SYNE1: variants seen among roughly 807,000 people sequenced by gnomAD.
SYNE1 encodes the protein nesprin-1.
Under a neutral mutation model 1,111.0 loss-of-function variants are expected in SYNE1, and 616 were observed. The ratio of observed to expected loss-of-function variants is 0.55; its 90% CI spans 0.52 to 0.59. The LOEUF is 0.59. Among genes scored for constraint, SYNE1 ranks in the 20% least tolerant of loss-of-function variants. SYNE1 has a pLI of 0.00. For synonymous variants in SYNE1, 3,855 were observed against 3,825.8 expected (o/e 1.01, Z -0.28); for missense variants, 10,006 against 10,417.0 (o/e 0.96, Z 1.72).
chr6:152,202,844 G>C (rs1456867928), intron 126 of SYNE1, among the ~76,000 whole-genome samples: 1 of 152,126 alleles, frequency 6.6e-6, no homozygotes, highest in Non-Finnish European at 1.5e-5. Flanking sequence ...TGGCATTTTT[G>C]ACTGGCTTTA....
At chr6:152,140,255 A>G in intron 139 of SYNE1, 94 bp from the exon 140 acceptor site, 1 of 1,248,440 alleles carries the variant, frequency 8.0e-7, no homozygotes, top group Non-Finnish European at 1.2e-6. Context: ...AATTTTAAAT[A>G]GCAACAGAAA....
At chr6:152,575,145 T>C (rs2099491353) in intron 3 of SYNE1, among the ~76,000 whole-genome samples, 1 of 152,166 alleles carries the variant, frequency 6.6e-6, no homozygotes, top group Non-Finnish European at 1.5e-5. Context: ...TCCGGTGGTA[T>C]AGGATGGTGG....
intron 85 of SYNE1, among the ~76,000 whole-genome samples, chr6:152,318,536 A>G (rs1467804200): frequency 6.6e-6 from 1 of 152,220 alleles, no homozygotes; most frequent in Non-Finnish European, 1.5e-5. Flanking sequence ...GAACTCATCA[A>G]CAGAGGAAGA....
intron 3 of SYNE1, among the ~76,000 whole-genome samples, chr6:152,623,757 A>G (rs987518008): frequency 6.6e-6 from 1 of 152,148 alleles, no homozygotes; most frequent in Non-Finnish European, 1.5e-5. Flanking sequence ...GCCAACAATA[A>G]TTAGTATAAA....
At chr6:152,341,466 C>G (rs1320654676) in intron 74 of SYNE1, among the ~76,000 whole-genome samples, 1 of 152,184 alleles carries the variant, frequency 6.6e-6, no homozygotes, top group African/African-American at 2.4e-5. Flanking sequence ...GTACTTTTTC[C>G]CATTCCCTAA....
intron 6 of SYNE1, among the ~76,000 whole-genome samples, chr6:152,517,460 A>T (rs980467709): frequency 1.3e-5 from 2 of 152,218 alleles, no homozygotes; most frequent in African/African-American, 4.8e-5. Context: ...TTACCTTTTG[A>T]CTTAGCAAGC....
intron 48 of SYNE1, among the ~76,000 whole-genome samples, chr6:152,399,318 G>A (rs1290482360): frequency 1.3e-5 from 2 of 152,180 alleles, no homozygotes; most frequent in Non-Finnish European, 2.9e-5. Context: ...CACTTGAGCA[G>A]TGGAAGTAAT....
rs1397290919 is a variant in SYNE1 at position 152,401,153 on chromosome 6, T to C, written c.7014A>G (p.Ala2338=). The C allele has an allele frequency of 6.2e-7, 1 of 1,614,114 alleles. No individual in the cohort carries two copies. Among genetic ancestry groups the C allele is most frequent in the Non-Finnish European group, 8.5e-7 (1 of 1,180,014 alleles). The change falls in exon 47 of 146, where the codon GCA becomes GCG. Residue 2338 remains alanine (A), a synonymous_variant. Transcript: ENST00000367255. The stretch of plus-strand genomic sequence containing the variant: ...TATTACCTACCTTGACTTTTTTCAA[T>C]GCTTCACAAGTCTCATTTTGGGCAC... ...MNCAQNETCE[A]LKKVKDIQKE...
chr6:152,469,594 A>G (rs537070731), intron 16 of SYNE1, among the ~76,000 whole-genome samples: 1 of 152,162 alleles, frequency 6.6e-6, no homozygotes, highest in Admixed American at 6.5e-5. Flanking sequence ...AATTGAACTG[A>G]TATTTATGTG....
intron 74 of SYNE1, among the ~76,000 whole-genome samples, chr6:152,340,967 T>C (rs551617581): frequency 1.3e-5 from 2 of 152,290 alleles, no homozygotes; most frequent in South Asian, 4.1e-4. Context: ...GAAGGCAGTA[T>C]TGACTACAAG....
At chr6:152,190,160 T>C (rs560093047) in intron 127 of SYNE1, among the ~76,000 whole-genome samples, 2 of 152,322 alleles carry the variant, frequency 1.3e-5, no homozygotes, top group South Asian at 4.1e-4. Flanking sequence ...TGCCCAATCT[T>C]GTCTGGTCTC....
chr6:152,481,296 T>C (rs956616458), intron 14 of SYNE1: 20 of 256,654 alleles, frequency 7.8e-5, no homozygotes, highest in Middle Eastern at 3.1e-3. Flanking sequence ...CCCTCACCTG[T>C]TGCCCTGGAG....
intron 20 of SYNE1, 59 bp downstream of exon 20, chr6:152,462,679 T>C (rs776984716): frequency 3.7e-6 from 6 of 1,605,288 alleles, no homozygotes; most frequent in Non-Finnish European, 5.1e-6. Flanking sequence ...TGAATAAACT[T>C]GCTGATCTTT....
At chr6:152,564,354 T>C (rs907737348) in intron 3 of SYNE1, among the ~76,000 whole-genome samples, 4 of 152,234 alleles carry the variant, frequency 2.6e-5, no homozygotes, top group Admixed American at 2.6e-4. Flanking sequence ...TCTCACTCTG[T>C]CACCCAGACA....
rs369206782 is a variant in SYNE1, at chr6:152,339,329, G to C, written c.12263C>G (p.Thr4088Ser). ...HFRALQEQAR[T>S]YLDLLCSMCD... ...CATGGAGCAAAGGAGATCTAGGTAG[G>C]TCCTTGCCTGCTCTTGCAAAGCTCT... The change falls in exon 75 of 146, where the codon ACC (threonine) becomes AGC (serine). Residue 4088 changes from threonine (T) to serine (S), a missense_variant. Physicochemically the swap from Thr to Ser is moderately conservative, Grantham distance 58. This residue lies in a region of SYNE1 where 4,955 missense variants were observed against 5,017.2 expected (regional missense o/e 0.99). Coordinates refer to ENST00000367255, the MANE Select transcript of SYNE1 (RefSeq NM_182961.4). 9.3e-6 allele frequency: 15 copies of C among 1,613,930 alleles called. No individual in the cohort carries two copies. In the African/African-American group the frequency reaches 2.0e-4, roughly 22 times the overall value.
chr6:152,257,783 C>G (rs947170757), intron 101 of SYNE1, among the ~76,000 whole-genome samples: 1 of 151,946 alleles, frequency 6.6e-6, no homozygotes, highest in African/African-American at 2.4e-5. Flanking sequence ...AAAAGATGAT[C>G]TAACACAAGG....
At position 152,634,875 on chromosome 6, in the gene SYNE1, C is replaced by T. The variant is rs373272033; in HGVS notation, c.-224+1763G>A. Among the ~76,000 whole-genome samples the T allele has an allele frequency of 9.2e-5, 14 of 152,378 alleles. No homozygotes were observed. The East Asian group carries it at 1.3e-3, about 15-fold the overall frequency. On this transcript the variant is annotated intron_variant, in intron 2 of 145. Coordinates refer to ENST00000367255, the MANE Select transcript of SYNE1 (RefSeq NM_182961.4). Reference sequence around the variant, plus strand: ...TTAGATTAGACCACAAAGAAGTACACATTTAAGAGGAGACACACAGAGGAC... The same window carrying T: ...TTAGATTAGACCACAAAGAAGTACATATTTAAGAGGAGACACACAGAGGAC...
At position 152,255,650 on chromosome 6, in the gene SYNE1, A is replaced by C; in HGVS notation, c.19201T>G (p.Leu6401Val). Residue 6401 changes from leucine to valine, a missense_variant, in exon 103 of 146, where the codon TTA (leucine) becomes GTA (valine). Leu to Val is a conservative substitution (Grantham distance 32, BLOSUM62 1). Transcript: ENST00000367255. ...STWLDDVEER[L>V]FVATALLPEE... The stretch of plus-strand genomic sequence containing the variant: ...GGTAAAAGTGCTGTGGCAACAAATA[A>C]ACGTTCTTCAACGTCATCCAACCAA... 6.2e-7 allele frequency: 1 copy of C among 1,614,184 alleles called. No homozygotes were observed. Among genetic ancestry groups the C allele is most frequent in the Non-Finnish European group, 8.5e-7 (1 of 1,180,030 alleles).
In SYNE1 at chr6:152,232,158, G is replaced by A. The variant is rs2082923476; in HGVS notation, c.20820C>T (p.Ser6940=). The A allele has an allele frequency of 6.2e-7, 1 of 1,606,572 alleles. No homozygotes were observed. Among genetic ancestry groups the A allele is most frequent in the Admixed American group, 1.7e-5 (1 of 59,964 alleles). The change falls in exon 113 of 146, where the codon TCC becomes TCT. Residue 6940 remains serine, a synonymous_variant. Transcript: ENST00000367255. ...ATTCATGAATTGCCTTGTAACCTAT[G>A]GAATTTTTAATATTATCTTCATCCT... is the stretch of plus-strand genomic sequence containing the variant. The part of the protein sequence containing the change: ...IQKDEDNIKN[S]IGYKAIHEYL...
Sources: gnomAD v4.1 joint callset for allele counts (sites outside exome capture counted in the v4.1 genomes callset) on GRCh38, gnomAD v4.1.1 for gene constraint, gnomAD v4.1.1 regional missense constraint, MANE v1.5 for transcripts, NCBI Gene and HGNC (gene_info 2026-07-23, HGNC 2026-07-21) for gene names.